The following KIF14 variants were observed in gnomAD, a reference collection of about 807,000 sequenced individuals.
The protein encoded by KIF14 is kinesin-like protein KIF14.
Under a neutral mutation model 176.2 loss-of-function variants are expected in KIF14, and 98 were observed. The ratio of observed to expected loss-of-function variants is 0.56; its 90% CI spans 0.47 to 0.66. KIF14 has a LOEUF of 0.66. KIF14 is among the 30% of genes least tolerant of loss of function. The pLI is 0.00. For synonymous variants in KIF14, 566 were observed against 632.2 expected, an observed-to-expected ratio of 0.90 and a Z score of 1.57; for missense variants, 1,751 against 1,920.4, an observed-to-expected ratio of 0.91 and a Z score of 1.65.
chr1:200,576,327 A>G (rs888770989), intron 21 of KIF14, among the ~76,000 whole-genome samples: 4 of 151,786 alleles, frequency 2.6e-5, no homozygotes, highest in Non-Finnish European at 5.9e-5. Flanking sequence ...AAATACAAAA[A>G]ATTAGCCGGG....
At chr1:200,564,732 T>C (rs1657349454) in intron 25 of KIF14, among the ~76,000 whole-genome samples, 1 of 152,144 alleles carries the variant, frequency 6.6e-6, no homozygotes, top group South Asian at 2.1e-4. Flanking sequence ...AACTCAGTCA[T>C]TTACTAGTTA....
intron 14 of KIF14, among the ~76,000 whole-genome samples, chr1:200,597,965 T>C (rs1180870026): frequency 6.6e-6 from 1 of 152,130 alleles, no homozygotes; most frequent in Non-Finnish European, 1.5e-5. Flanking sequence ...ATGTGCATCA[T>C]TATAATTGCA....
At chr1:200,586,514 A>C (rs1217482901) in intron 18 of KIF14, among the ~76,000 whole-genome samples, 1 of 152,060 alleles carries the variant, frequency 6.6e-6, no homozygotes, top group East Asian at 1.9e-4. Context: ...AAAAGCTTTT[A>C]AAAATGATTT....
chr1:200,596,056 C>A (rs748197245), intron 14 of KIF14, among the ~76,000 whole-genome samples: 1 of 151,970 alleles, frequency 6.6e-6, no homozygotes, highest in Non-Finnish European at 1.5e-5. Flanking sequence ...GAGTTTGAGA[C>A]CAGCCTGGCC....
intron 14 of KIF14, among the ~76,000 whole-genome samples, chr1:200,597,902 A>C (rs1160854763): frequency 2.0e-5 from 3 of 152,248 alleles, no homozygotes. Context: ...AACATTTTTA[A>C]ATTGGTCAAT....
chr1:200,568,003 A>G (rs1222205733), intron 23 of KIF14, among the ~76,000 whole-genome samples: 1 of 152,228 alleles, frequency 6.6e-6, no homozygotes, highest in African/African-American at 2.4e-5. Context: ...AAAATCCAAC[A>G]GAAACATTTT....
Position 200,559,376 on chromosome 1 carries a change from G to C in KIF14, c.4307C>G (p.Ala1436Gly). 1 of 1,591,512 alleles carries C rather than the reference G, an allele frequency of 6.3e-7. No individual in the cohort carries two copies. The highest frequency in any genetic ancestry group is 1.4e-5 in the African/African-American group (1 of 73,980). The stretch of plus-strand genomic sequence containing the variant: ...AAAGAGTTCATGCTGAAGTTCTTTT[G>C]CTTTTTCCAGTCCAGAATCTAATAA... ...KILLDSGLEK[A>G]KELQHELFRQ... Residue 1436 changes from alanine (A) to glycine (G), a missense_variant, in exon 27 of 30, where the codon GCA becomes GGA. Coordinates refer to ENST00000367350, the MANE Select transcript of KIF14 (RefSeq NM_014875.3).
Position 200,592,212 on chromosome 1 carries a change from T to C in KIF14, c.2681A>G (p.His894Arg). 1 of 1,613,716 alleles carries C rather than the reference T, an allele frequency of 6.2e-7. No individual in the cohort carries two copies. The highest frequency in any genetic ancestry group is 1.1e-5 in the South Asian group (1 of 91,034). ...HGDRVILGGDHYFRFNHPVEV... is the reference protein window; with the variant it reads ...HGDRVILGGDRYFRFNHPVEV... The stretch of plus-strand genomic sequence containing the variant: ...TACTGGATGATTAAATCTAAAATAA[T>C]GATCTCCACCAAGAATCACTCGATC... Residue 894 changes from histidine (H) to arginine (R), a missense_variant, in exon 16 of 30, where the codon CAT becomes CGT. Physicochemically the swap from His to Arg is conservative, Grantham distance 29. Transcript: ENST00000367350.
chr1:200,560,349 G>A (rs545919584), intron 26 of KIF14, among the ~76,000 whole-genome samples: 5 of 151,954 alleles, frequency 3.3e-5, no homozygotes, highest in Admixed American at 2.6e-4. Context: ...TCAGCTCAAC[G>A]CAACCTCTGT....
chr1:200,605,261 C>CG (rs1558085413), intron 8 of KIF14, 22 bp downstream of exon 8: 1 of 1,578,168 alleles, frequency 6.3e-7, no homozygotes, highest in Middle Eastern at 1.7e-4. Flanking sequence ...TGAAAGAGAT[C>CG]GGGAACTTTT....
intron 22 of KIF14, among the ~76,000 whole-genome samples, chr1:200,573,788 C>A (rs1311776924): frequency 6.6e-6 from 1 of 152,014 alleles, no homozygotes; most frequent in Non-Finnish European, 1.5e-5. Context: ...TTAAAATAAG[C>A]CAAGTCAAAA....
intron 5 of KIF14, among the ~76,000 whole-genome samples, chr1:200,607,770 C>T (rs1419160175): frequency 6.6e-6 from 1 of 151,962 alleles, no homozygotes; most frequent in Admixed American, 6.6e-5. Context: ...GGTGAAATCT[C>T]GGCTCACTGA....
chr1:200,610,482 C>T (rs911276741), intron 4 of KIF14, among the ~76,000 whole-genome samples: 3 of 146,026 alleles, frequency 2.1e-5, no homozygotes, highest in Non-Finnish European at 4.5e-5. Flanking sequence ...TGCACTCCAG[C>T]CTGGGTGACA....
At chr1:200,603,152 G>A in intron 10 of KIF14, 74 bp downstream of exon 10, 3 of 859,704 alleles carry the variant, frequency 3.5e-6, no homozygotes, top group Non-Finnish European at 5.4e-6. Flanking sequence ...AGTTAATGAA[G>A]TCAGTCTATC....
intron 4 of KIF14, among the ~76,000 whole-genome samples, chr1:200,612,881 C>CTTTT (rs58120760): frequency 7.2e-4 from 57 of 79,114 alleles, no homozygotes; most frequent in Middle Eastern, 0.01. Flanking sequence ...AGTTTATTCT[C>CTTTT]TTTTTTTTTT....
rs775089932 is a variant in KIF14 at position 200,618,506 on chromosome 1, C to G, written c.218G>C (p.Arg73Thr). 1 of 1,614,098 alleles carries G rather than the reference C, an allele frequency of 6.2e-7. No individual in the cohort carries two copies. Among genetic ancestry groups the G allele is most frequent in the East Asian group, 2.2e-5 (1 of 44,870 alleles). Residue 73 changes from arginine to threonine, a missense_variant, in exon 2 of 30, where the codon AGA becomes ACA. Physicochemically the swap from Arg to Thr is moderately conservative, Grantham distance 71. Coordinates refer to ENST00000367350, the MANE Select transcript of KIF14 (RefSeq NM_014875.3). ...GGTAAGGGGCATGTCTGCTGTTTTT[C>G]TACTGGCAGAAATAACATAAGTTCT... is the stretch of plus-strand genomic sequence containing the variant. Reference protein sequence around the residue: ...INRTYVISASRKTADMPLTPN... With the variant: ...INRTYVISASTKTADMPLTPN...
At chr1:200,578,322 A>G (rs1184274499) in intron 21 of KIF14, among the ~76,000 whole-genome samples, 2 of 152,076 alleles carry the variant, frequency 1.3e-5, no homozygotes, top group Non-Finnish European at 2.9e-5. Context: ...TTAGGCTACA[A>G]TTTGGCAGCA....
intron 26 of KIF14, 88 bp from the exon 27 acceptor site, chr1:200,559,540 A>G: frequency 2.9e-6 from 2 of 691,190 alleles, no homozygotes; most frequent in Admixed American, 8.2e-5. Context: ...ATTTTAAATT[A>G]TCAAGTAATT....
intron 22 of KIF14, 82 bp from the exon 23 acceptor site, chr1:200,570,087 G>A: frequency 1.5e-6 from 1 of 645,970 alleles, no homozygotes; most frequent in Non-Finnish European, 2.5e-6. Context: ...GTTCTCTAAA[G>A]AAAATGGACA....
Sources: gnomAD v4.1 joint callset for allele counts (sites outside exome capture counted in the v4.1 genomes callset) on GRCh38, gnomAD v4.1.1 for gene constraint, MANE v1.5 for transcripts, NCBI Gene and HGNC (gene_info 2026-07-23, HGNC 2026-07-21) for gene names.